CFAP70: variants seen among roughly 807,000 people sequenced by gnomAD.
CFAP70 encodes cilia- and flagella-associated protein 70.
A neutral mutation model predicts 137.6 loss-of-function variants in CFAP70; 81 were observed. The ratio of observed to expected loss-of-function variants is 0.59; its 90% confidence interval spans 0.49 to 0.71. CFAP70 has a LOEUF of 0.71. CFAP70 is among the 30% of genes least tolerant of loss of function. The pLI is 0.00. For missense variants in CFAP70, 976 were observed against 1,226.7 expected, an observed-to-expected ratio of 0.80 and a Z score of 3.05; for synonymous variants, 382 against 423.6, an observed-to-expected ratio of 0.90 and a Z score of 1.20.
Position 73,269,706 on chromosome 10 carries a change from G to A in CFAP70, c.2935C>T (p.Leu979Phe). ...GAAAGAGCATCCTCAGCCTCTGTGAGCTCCTCCAGCTTGACAGAAAAATGA... is the reference window on the plus strand; with the variant it reads ...GAAAGAGCATCCTCAGCCTCTGTGAACTCCTCCAGCTTGACAGAAAAATGA... Residue 979 changes from leucine to phenylalanine, a missense_variant, in exon 25 of 27, where the codon CTC (leucine) becomes TTC (phenylalanine). Physicochemically the swap from Leu to Phe is conservative, Grantham distance 22 (BLOSUM62 0). Transcript: ENST00000310715. The A allele has an allele frequency of 1.9e-6, 3 of 1,610,516 alleles. No individual in the cohort carries two copies. The highest frequency in any genetic ancestry group is 1.1e-5 in the South Asian group (1 of 90,992).
chr10:73,258,740 T>C (rs577687324), intron 25 of CFAP70, among the ~76,000 whole-genome samples: 1 of 152,336 alleles, frequency 6.6e-6, no homozygotes, highest in Admixed American at 6.5e-5. Flanking sequence ...GGGGTAGGTC[T>C]CTAAAATGGC....
At chr10:73,315,469 C>T (rs911712576) in intron 9 of CFAP70, among the ~76,000 whole-genome samples, 7 of 152,120 alleles carry the variant, frequency 4.6e-5, no homozygotes, top group Admixed American at 1.3e-4. Context: ...TATATGTCTT[C>T]GTGTAAATAC....
intron 12 of CFAP70, among the ~76,000 whole-genome samples, chr10:73,303,332 C>T (rs996471333): frequency 3.8e-4 from 58 of 152,312 alleles, no homozygotes; most frequent in Admixed American, 2.9e-3. Context: ...ATTCTCCTGC[C>T]TCAGCCTCCT....
chr10:73,331,919 T>C (rs575673265), intron 7 of CFAP70, among the ~76,000 whole-genome samples: 6 of 152,366 alleles, frequency 3.9e-5, no homozygotes, highest in East Asian at 1.9e-4. Context: ...AAATTGGTTA[T>C]TTCTATTGTG....
intron 9 of CFAP70, among the ~76,000 whole-genome samples, chr10:73,319,122 C>G (rs1383567443): frequency 6.6e-6 from 1 of 152,112 alleles, no homozygotes; most frequent in South Asian, 2.1e-4. Context: ...AAACAATAAC[C>G]AAGGAAGTTA....
chr10:73,338,787 A>G (rs1322663456), intron 6 of CFAP70, among the ~76,000 whole-genome samples: 1 of 151,940 alleles, frequency 6.6e-6, no homozygotes, highest in Non-Finnish European at 1.5e-5. Context: ...GGGATGTAAA[A>G]CCCACAAATA....
intron 6 of CFAP70, among the ~76,000 whole-genome samples, chr10:73,336,005 G>A (rs919384806): frequency 6.6e-6 from 1 of 151,840 alleles, no homozygotes; most frequent in Non-Finnish European, 1.5e-5. Flanking sequence ...GCTAAGTGTG[G>A]TGGCATGAGC....
At chr10:73,340,971 A>C (rs1216821685) in intron 6 of CFAP70, among the ~76,000 whole-genome samples, 1 of 152,110 alleles carries the variant, frequency 6.6e-6, no homozygotes, top group Non-Finnish European at 1.5e-5. Context: ...AGCTCCATGG[A>C]GCGTGTAGGC....
At chr10:73,305,839 C>T (rs767930061) in intron 12 of CFAP70, among the ~76,000 whole-genome samples, 1 of 152,064 alleles carries the variant, frequency 6.6e-6, no homozygotes, top group Non-Finnish European at 1.5e-5. Context: ...TAGAAATTCT[C>T]CCTAAAGAAG....
intron 24 of CFAP70, among the ~76,000 whole-genome samples, chr10:73,271,293 C>T (rs1009971369): frequency 2.0e-5 from 3 of 152,204 alleles, no homozygotes; most frequent in African/African-American, 7.2e-5. Context: ...GGGAGGATCA[C>T]CTGAGGACAG....
chr10:73,262,023 T>TGTATACATATG (rs1351316900), intron 25 of CFAP70, among the ~76,000 whole-genome samples: 1 of 145,516 alleles, frequency 6.9e-6, no homozygotes, highest in African/African-American at 2.5e-5. Flanking sequence ...TATGTATATA[T>TGTATACATATG]TATATATGTA....
At chr10:73,273,085 A>G (rs1409001979) in intron 23 of CFAP70, 68 bp from the exon 25 acceptor site, 2 of 1,212,120 alleles carry the variant, frequency 1.7e-6, no homozygotes, top group Admixed American at 2.0e-5. Context: ...TGGGATGATC[A>G]TGGGATCTCT....
At chr10:73,260,738 T>C (rs1380385734) in intron 25 of CFAP70, among the ~76,000 whole-genome samples, 1 of 152,218 alleles carries the variant, frequency 6.6e-6, no homozygotes, top group Non-Finnish European at 1.5e-5. Flanking sequence ...CTTTGCTTTT[T>C]TCACTTGCCA....
chr10:73,273,797 GAA>G (rs1197050083), intron 23 of CFAP70, among the ~76,000 whole-genome samples: 1 of 152,296 alleles, frequency 6.6e-6, no homozygotes, highest in East Asian at 1.9e-4. Flanking sequence ...GTTCTGACGG[GAA>G]AAATAGAATA....
At chr10:73,352,071 T>C (rs1364145960) in intron 3 of CFAP70, among the ~76,000 whole-genome samples, 7 of 152,186 alleles carry the variant, frequency 4.6e-5, no homozygotes. Flanking sequence ...CCTTGGGTGA[T>C]GGTGAAAGTT....
At chr10:73,326,804 G>C (rs927427697) in intron 8 of CFAP70, among the ~76,000 whole-genome samples, 19 of 152,058 alleles carry the variant, frequency 1.2e-4, no homozygotes, top group African/African-American at 4.3e-4. Context: ...TTGAATCTCT[G>C]AATAGACCAA....
intron 12 of CFAP70, among the ~76,000 whole-genome samples, chr10:73,300,103 G>A (rs746020299): frequency 1.7e-4 from 26 of 152,074 alleles, no homozygotes; most frequent in African/African-American, 4.3e-4. Context: ...TTTCCTCCCC[G>A]TCTACAATAA....
At chr10:73,256,574 TGAAA>T (rs1295715530) in intron 25 of CFAP70, among the ~76,000 whole-genome samples, 158 bp from the exon 27 acceptor site, 1 of 151,714 alleles carries the variant, frequency 6.6e-6, no homozygotes, top group Non-Finnish European at 1.5e-5. Flanking sequence ...AACTAGCAAA[TGAAA>T]GGTGGTAGGG....
intron 15 of CFAP70, chr10:73,295,970 A>C (rs2048520849): frequency 6.6e-6 from 1 of 152,226 alleles, no homozygotes; most frequent in African/African-American, 2.4e-5. Flanking sequence ...TCATAATTGC[A>C]TTCCATGTCC....
Sources: allele counts gnomAD v4.1 joint callset (sites outside exome capture counted in the v4.1 genomes callset), GRCh38; gene constraint gnomAD v4.1.1; transcripts MANE v1.5; gene names NCBI Gene and HGNC (gene_info 2026-07-23, HGNC 2026-07-21).